Variants in RP1L1 observed in about 807,000 individuals in gnomAD.
RP1L1 encodes the protein retinitis pigmentosa 1-like 1 protein.
In RP1L1, 27 loss-of-function variants were observed where a neutral mutation model predicts 15.7. That is an observed-to-expected ratio of 1.72 (90% CI 1.27 to 2.38). RP1L1 has a LOEUF of 2.38. Ranked by LOEUF, RP1L1 falls within the 30% of genes most tolerant of loss-of-function variation. RP1L1 has a pLI of 0.00. For missense variants in RP1L1, 4,798 were observed against 3,075.9 expected (o/e 1.56, Z -13.24); for synonymous variants, 1,813 against 1,276.7 (o/e 1.42, Z -8.96).
chr8:10,652,747 C>T (rs1350597855), intron 1 of RP1L1, among the ~76,000 whole-genome samples: 2 of 152,166 alleles, frequency 1.3e-5, no homozygotes, highest in Non-Finnish European at 2.9e-5. Flanking sequence ...GCCGGCTCTC[C>T]ACTCTGAGCC....
At chr8:10,653,276 C>T (rs1421419897) in intron 1 of RP1L1, among the ~76,000 whole-genome samples, 1 of 152,160 alleles carries the variant, frequency 6.6e-6, no homozygotes, top group Non-Finnish European at 1.5e-5. Context: ...AGCTGTTGAA[C>T]ACTGCATGCA....
At chr8:10,623,330 C>A in intron 1 of RP1L1, 110 bp from the exon 2 acceptor site, 1 of 801,512 alleles carries the variant, frequency 1.2e-6, no homozygotes, top group Non-Finnish European at 1.9e-6. Flanking sequence ...ATGTGCTCCA[C>A]TCCACTATGG....
chr8:10,616,642 C>G, intron 2 of RP1L1, 55 bp from the exon 3 acceptor site: 6 of 1,561,180 alleles, frequency 3.8e-6, no homozygotes, highest in Non-Finnish European at 5.2e-6. Flanking sequence ...CCCCTCTACC[C>G]TGAGGCCTGG....
At chr8:10,615,436 C>T (rs73662877) in intron 3 of RP1L1, among the ~76,000 whole-genome samples, 1 of 152,052 alleles carries the variant, frequency 6.6e-6, no homozygotes, top group Non-Finnish European at 1.5e-5. Flanking sequence ...TCCCTTTGAC[C>T]CCCATGCAGG....
In RP1L1 at chr8:10,607,751, A is replaced by G. The variant is rs768844967; in HGVS notation, c.6347T>C (p.Ile2116Thr). ...CTCCCCTTCAGTCTCTGGGGCCTCTATACCTTCTGCCTTCTGGGCCTCCCC... is the reference window on the plus strand; with the variant it reads ...CTCCCCTTCAGTCTCTGGGGCCTCTGTACCTTCTGCCTTCTGGGCCTCCCC... ...AEGEAQKAEG[I>T]EAPETEGEAQ... The change falls in exon 4 of 4, where the codon ATA becomes ACA. Residue 2116 changes from isoleucine to threonine, a missense_variant. By Grantham distance (89) the Ile-to-Thr change is moderately conservative. Transcript: ENST00000382483. The G allele has an allele frequency of 6.4e-7, 1 of 1,564,736 alleles. No homozygotes were observed. Among genetic ancestry groups the G allele is most frequent in the Non-Finnish European group, 8.6e-7 (1 of 1,162,004 alleles).
chr8:10,608,118 G>A lies in RP1L1; in HGVS notation c.5980C>T (p.Gln1994Ter). The A allele has an allele frequency of 2.5e-6, 4 of 1,613,054 alleles. No homozygotes were observed. The highest frequency in any genetic ancestry group is 3.4e-6 in the Non-Finnish European group (4 of 1,179,754). Residue 1994 changes from glutamine (Q) to a stop codon, truncating the protein, a stop_gained, in exon 4 of 4, where the codon CAG becomes TAG. Coordinates refer to ENST00000382483, the MANE Select transcript of RP1L1 (RefSeq NM_178857.6). LOFTEE classifies it low-confidence loss of function (END_TRUNC). ...GCCTCTACATCTTCTGACTCTGGCT[G>A]GGCCTCCCCTTCTGCCTCCTGGGTC... ...VETQEAEGEA[Q>*]PESEDVEAPE... is the part of the protein sequence containing the mutation.
In RP1L1 at chr8:10,611,310, T is replaced by C. The variant is rs1245467070; in HGVS notation, c.2788A>G (p.Ser930Gly). 3 of 1,612,862 alleles carry C rather than the reference T, an allele frequency of 1.9e-6. No homozygotes were observed. Among genetic ancestry groups the C allele is most frequent in the South Asian group, 2.2e-5 (2 of 91,090 alleles). The part of the protein sequence containing the change: ...RGLSEEKTLR[S>G]GGGPQGQEEA... Reference sequence around the variant, plus strand: ...TCCTGCCCCTGGGGGCCTCCCCCACTCCTCAAGGTCTTCTCCTCGGACAGC... The same window carrying C: ...TCCTGCCCCTGGGGGCCTCCCCCACCCCTCAAGGTCTTCTCCTCGGACAGC... Residue 930 changes from serine to glycine, a missense_variant, in exon 4 of 4, where the codon AGT (serine) becomes GGT (glycine). Coordinates refer to ENST00000382483, the MANE Select transcript of RP1L1 (RefSeq NM_178857.6).
At chr8:10,632,058 C>A (rs1798261222) in intron 1 of RP1L1, among the ~76,000 whole-genome samples, 1 of 152,270 alleles carries the variant, frequency 6.6e-6, no homozygotes, top group African/African-American at 2.4e-5. Context: ...CCTTCAGGGG[C>A]CACCAGAGGA....
At position 10,616,558 on chromosome 8, in the gene RP1L1, G is replaced by T; in HGVS notation, c.639C>A (p.Ser213Arg). Reference protein sequence around the residue: ...KVDSLQALLHSPSVLVCAGHE... With the variant: ...KVDSLQALLHRPSVLVCAGHE... The stretch of plus-strand genomic sequence containing the variant: ...GCCCGGCACACACCAGCACAGAGGG[G>T]CTGTGCAGCAGGGCCTGCAGCGAGT... Residue 213 changes from serine (S) to arginine (R), a missense_variant, in exon 3 of 4, where the codon AGC becomes AGA. Physicochemically the swap from Ser to Arg is moderately radical, Grantham distance 110. Coordinates refer to ENST00000382483, the MANE Select transcript of RP1L1 (RefSeq NM_178857.6). The T allele has an allele frequency of 6.2e-7, 1 of 1,613,784 alleles. No homozygotes were observed.
rs564793913 is a variant in RP1L1, at chr8:10,609,228, G to C, written c.4870C>G (p.Leu1624Val). ...RNLSAFSERT[L>V]GLGPLSFTLE... is the part of the protein sequence containing the mutation. ...GTGAAGGAGAGGGGCCCCAGGCCCAGGGTCCGCTCAGAGAAGGCCGAGAGG... is the reference window on the plus strand; with the variant it reads ...GTGAAGGAGAGGGGCCCCAGGCCCACGGTCCGCTCAGAGAAGGCCGAGAGG... The change falls in exon 4 of 4, where the codon CTG becomes GTG. Residue 1624 changes from leucine (L) to valine (V), a missense_variant. By Grantham distance (32) the Leu-to-Val change is conservative. Coordinates refer to ENST00000382483, the MANE Select transcript of RP1L1 (RefSeq NM_178857.6). The C allele has an allele frequency of 5.6e-6, 9 of 1,609,590 alleles. No individual in the cohort carries two copies. In the Admixed American group the frequency reaches 6.7e-5, roughly 12 times the overall value.
rs372470434 is a variant in RP1L1, at chr8:10,612,768, C to T, written c.1330G>A (p.Gly444Arg). The change falls in exon 4 of 4, where the codon GGG becomes AGG. Residue 444 changes from glycine (G) to arginine (R), a missense_variant. Physicochemically the swap from Gly to Arg is moderately radical, Grantham distance 125. Transcript: ENST00000382483. ...CTGTCCTGGCTGCATCTCTCCCTCC[C>T]GGCAGTCCCGTGGCCCCACAGGCCA... ...CSGLWGHGTA[G>R]RERCSQDSAS... is the part of the protein sequence containing the mutation. The T allele has an allele frequency of 7.8e-5, 125 of 1,609,372 alleles. No homozygotes were observed. The highest frequency in any genetic ancestry group is 8.6e-5 in the Non-Finnish European group (102 of 1,179,920).
In RP1L1 at chr8:10,609,306, C is replaced by T. The variant is rs749567482; in HGVS notation, c.4792G>A (p.Glu1598Lys). 1.8e-5 allele frequency: 29 copies of T among 1,611,294 alleles called. No homozygotes were observed. In the South Asian group the frequency reaches 2.0e-4, roughly 11 times the overall value. ...CGCTGCTGGGTCTGCAGGAGCAGCTCCCCGGTGAGGGCCTCCCTTGGAGGC... is the reference window on the plus strand; with the variant it reads ...CGCTGCTGGGTCTGCAGGAGCAGCTTCCCGGTGAGGGCCTCCCTTGGAGGC... ...LEPPREALTG[E>K]LLLQTQQRRH... The change falls in exon 4 of 4, where the codon GAG (glutamate) becomes AAG (lysine). Residue 1598 changes from glutamate to lysine, a missense_variant. By Grantham distance (56) the Glu-to-Lys change is moderately conservative. Coordinates refer to ENST00000382483, the MANE Select transcript of RP1L1 (RefSeq NM_178857.6).
Position 10,616,601 on chromosome 8 carries a change from G to C in RP1L1, c.610-14C>G. 1 of 1,606,794 alleles carries C rather than the reference G, an allele frequency of 6.2e-7. No homozygotes were observed. The highest frequency in any genetic ancestry group is 8.5e-7 in the Non-Finnish European group (1 of 1,178,476). On this transcript the variant is annotated splice_polypyrimidine_tract_variant and intron_variant, in intron 2 of 3. Transcript: ENST00000382483. ...CAGCGAGTCCACCTGAGGGAGGAGC[G>C]GGCGGGGTCAGGAGGCCTGGGCTGC...
intron 2 of RP1L1, among the ~76,000 whole-genome samples, chr8:10,618,988 A>G (rs1798016373): frequency 6.6e-6 from 1 of 152,162 alleles, no homozygotes. Context: ...CTCCTGCCTC[A>G]GCCTTCCCAG....
chr8:10,622,081 G>C (rs1798068584), intron 2 of RP1L1, among the ~76,000 whole-genome samples: 1 of 152,096 alleles, frequency 6.6e-6, no homozygotes, highest in Non-Finnish European at 1.5e-5. Flanking sequence ...CAGCACTTTG[G>C]GAGGCCGAAT....
chr8:10,608,398 C>T lies in RP1L1; in HGVS notation c.5700G>A (p.Gln1900=). 1 of 1,609,182 alleles carries T rather than the reference C, an allele frequency of 6.2e-7. No homozygotes were observed. The highest frequency in any genetic ancestry group is 2.2e-5 in the East Asian group (1 of 44,600). ...GGGCTTCTGCACCTTCTGACTCTGG[C>T]TGGACCTCCCATTCTGCCTCTGGGG... The part of the protein sequence containing the change: ...VETPEAEWEV[Q]PESEGAEAPE... The change falls in exon 4 of 4, where the codon CAG becomes CAA. Residue 1900 remains glutamine (Q), a synonymous_variant. Coordinates refer to ENST00000382483, the MANE Select transcript of RP1L1 (RefSeq NM_178857.6).
In RP1L1 at chr8:10,610,083, C is replaced by G. The variant is rs752332836; in HGVS notation, c.4015G>C (p.Glu1339Gln). 1.2e-5 allele frequency: 18 copies of G among 1,486,428 alleles called. No homozygotes were observed. The Admixed American group carries it at 3.2e-4, about 26-fold the overall frequency. 92.1% of individuals were successfully genotyped at this position (1,486,428 alleles called of 1,614,324 possible). Residue 1339 changes from glutamate (E) to glutamine (Q), a missense_variant, in exon 4 of 4, where the codon GAG becomes CAG. By Grantham distance (29) the Glu-to-Gln change is conservative. Coordinates refer to ENST00000382483, the MANE Select transcript of RP1L1 (RefSeq NM_178857.6). The stretch of plus-strand genomic sequence containing the variant: ...TCTCCTTCTGTTTCTTTAGTTTCCT[C>G]TAACTGCACCCCCTCTTCTTGCAGC... The part of the protein sequence containing the change: ...EGLQEEGVQL[E>Q]ETKETEGEGQ...
At chr8:10,622,338 A>G (rs1381703051) in intron 2 of RP1L1, among the ~76,000 whole-genome samples, 1 of 150,290 alleles carries the variant, frequency 6.7e-6, no homozygotes, top group Non-Finnish European at 1.5e-5. Context: ...ACAAAGCCAA[A>G]AAAAAAAAAA....
intron 1 of RP1L1, among the ~76,000 whole-genome samples, chr8:10,653,295 C>T (rs565965259): frequency 1.5e-4 from 23 of 152,266 alleles, no homozygotes; most frequent in South Asian, 8.3e-4. Context: ...CACAGGCCAT[C>T]GAGCTGGAAA....
Sources: allele counts gnomAD v4.1 joint callset (sites outside exome capture counted in the v4.1 genomes callset), GRCh38; gene constraint gnomAD v4.1.1; transcripts MANE v1.5; gene names NCBI Gene and HGNC (gene_info 2026-07-23, HGNC 2026-07-21).